MYLIP: variants seen among roughly 807,000 people sequenced by gnomAD.
The protein encoded by MYLIP is myosin regulatory light chain interacting protein, also known as E3 ubiquitin-protein ligase MYLIP.
In MYLIP, 26 loss-of-function variants were observed where a neutral mutation model predicts 45.8. The observed-to-expected ratio is 0.57, with a 90% CI of 0.42 to 0.79. MYLIP has a LOEUF of 0.79. Among genes scored for constraint, MYLIP ranks in the 30% least tolerant of loss-of-function variants. The pLI, the probability that MYLIP is intolerant of heterozygous loss-of-function variation, is 0.00. For synonymous variants in MYLIP, 213 were observed against 218.1 expected, an observed-to-expected ratio of 0.98 and a Z score of 0.21; for missense variants, 494 against 555.6, an observed-to-expected ratio of 0.89 and a Z score of 1.11.
At chr6:16,145,672 T>C (rs1210358866) in intron 6 of MYLIP, among the ~76,000 whole-genome samples, 1 of 152,158 alleles carries the variant, frequency 6.6e-6, no homozygotes, top group Non-Finnish European at 1.5e-5. Context: ...CCTCCCTTTT[T>C]CTGACACTTA....
chr6:16,159,327 A>G, the MYLIP span, among the ~76,000 whole-genome samples: 2 of 152,180 alleles, frequency 1.3e-5, no homozygotes, highest in African/African-American at 4.8e-5. Flanking sequence ...CAGTAAAGAC[A>G]AGCATTGGCG....
intron 2 of MYLIP, among the ~76,000 whole-genome samples, chr6:16,138,887 GC>G (rs1561787725): frequency 6.6e-6 from 1 of 152,110 alleles, no homozygotes; most frequent in Admixed American, 6.5e-5. Flanking sequence ...GTCAATCATC[GC>G]CCTTGCTAGA....
chr6:16,139,942 A>G (rs1456593939), intron 2 of MYLIP, among the ~76,000 whole-genome samples: 1 of 152,202 alleles, frequency 6.6e-6, no homozygotes, highest in Non-Finnish European at 1.5e-5. Context: ...ATTGAATTTA[A>G]ATACTTCTTA....
Position 16,146,681 on chromosome 6 carries a change from C to A in MYLIP, c.1268C>A (p.Ser423Ter). 6.2e-7 allele frequency: 1 copy of A among 1,611,054 alleles called. No individual in the cohort carries two copies. Among genetic ancestry groups the A allele is most frequent in the South Asian group, 1.1e-5 (1 of 90,292 alleles). ...TCCCAGTCATGTCCCGTCTGCAGGTCGCGTGTGGAGCATGTCCAGCACGTC... is the reference window on the plus strand; with the variant it reads ...TCCCAGTCATGTCCCGTCTGCAGGTAGCGTGTGGAGCATGTCCAGCACGTC... ...AQLQSCPVCR[S>*]RVEHVQHVYL... Residue 423 changes from serine (S) to a stop codon, truncating the protein, a stop_gained, in exon 7 of 7, where the codon TCG (serine) becomes TAG (stop). Transcript: ENST00000356840. LOFTEE classifies it high-confidence loss of function.
At chr6:16,142,650 T>A (rs1759696872) in intron 3 of MYLIP, among the ~76,000 whole-genome samples, 1 of 152,196 alleles carries the variant, frequency 6.6e-6, no homozygotes, top group African/African-American at 2.4e-5. Flanking sequence ...TTGGCCTACC[T>A]CCTTCCCTGG....
chr6:16,154,278 G>A, the MYLIP span, among the ~76,000 whole-genome samples: 2 of 152,108 alleles, frequency 1.3e-5, no homozygotes, highest in Non-Finnish European at 2.9e-5. Flanking sequence ...TTAAGAAGAA[G>A]CCATGCCTCC....
At chr6:16,148,629 A>G (rs1469746157), downstream of MYLIP, among the ~76,000 whole-genome samples, 2 of 152,128 alleles carry the variant, frequency 1.3e-5, no homozygotes, top group African/African-American at 4.8e-5. Flanking sequence ...GCTATTGGAG[A>G]AGGAAGGAAG....
At chr6:16,136,042 C>T (rs946424079) in intron 2 of MYLIP, among the ~76,000 whole-genome samples, 2 of 152,000 alleles carry the variant, frequency 1.3e-5, no homozygotes, top group South Asian at 2.1e-4. Context: ...CTTCAGCATG[C>T]ATAACATTAA....
In MYLIP at chr6:16,146,658, C is replaced by T. The variant is rs1483395841; in HGVS notation, c.1249-4C>T. ...AACAGAGACTGTTGGCTTTTCTTTC[C>T]CAGTCATGTCCCGTCTGCAGGTCGC... is the stretch of plus-strand genomic sequence containing the variant. On this transcript the variant is annotated splice_polypyrimidine_tract_variant and splice_region_variant and intron_variant, in intron 6 of 6. Coordinates refer to ENST00000356840, the MANE Select transcript of MYLIP (RefSeq NM_013262.4). 7 of 1,605,706 alleles carry T rather than the reference C, an allele frequency of 4.4e-6. No individual in the cohort carries two copies. The highest frequency in any genetic ancestry group is 6.0e-6 in the Non-Finnish European group (7 of 1,174,768).
In MYLIP at chr6:16,129,349, C is replaced by A. The variant is rs1321190803; in HGVS notation, c.27C>A (p.Asp9Glu). Reference protein sequence around the residue: MLCYVTRPDAVLMEVEVEA... With the variant: MLCYVTRPEAVLMEVEVEA... ...TGCTGTGTTATGTGACGAGGCCGGACGCGGTGCTGATGGAGGTGGAGGTGG... is the reference window on the plus strand; with the variant it reads ...TGCTGTGTTATGTGACGAGGCCGGAAGCGGTGCTGATGGAGGTGGAGGTGG... The change falls in exon 1 of 7, where the codon GAC becomes GAA. Residue 9 changes from aspartate to glutamate, a missense_variant. By Grantham distance (45) the Asp-to-Glu change is conservative. Coordinates refer to ENST00000356840, the MANE Select transcript of MYLIP (RefSeq NM_013262.4). This position sits in a 1 kb window ranked among gnomAD's most constrained non-coding sequence, Gnocchi z 5.1. 3.8e-6 allele frequency: 6 copies of A among 1,586,584 alleles called. No individual in the cohort carries two copies. Among genetic ancestry groups the A allele is most frequent in the Non-Finnish European group, 5.1e-6 (6 of 1,166,810 alleles).
chr6:16,150,124 G>A (rs1759859067), downstream of MYLIP, among the ~76,000 whole-genome samples: 1 of 152,214 alleles, frequency 6.6e-6, no homozygotes, highest in Non-Finnish European at 1.5e-5. Flanking sequence ...AGCTGAGCAT[G>A]CGTCCCTGAA....
chr6:16,146,816 G>A lies in MYLIP; in HGVS notation c.*65G>A, dbSNP rs1453719701. On this transcript the variant is annotated 3_prime_UTR_variant, in exon 7 of 7. Transcript: ENST00000356840. ...CTGCACTATTATAAACTATTAAAAT[G>A]ATAGATTGTGGAGAAAGTAATTATT... The A allele has an allele frequency of 1.5e-6, 2 of 1,291,628 alleles. No individual in the cohort carries two copies. The highest frequency in any genetic ancestry group is 3.0e-5 in the African/African-American group (2 of 66,908). The allele number at this position is 1,291,628 out of a possible 1,614,324, so 80.0% of individuals were successfully genotyped here.
chr6:16,157,459 C>T, the MYLIP span, among the ~76,000 whole-genome samples: 1 of 152,184 alleles, frequency 6.6e-6, no homozygotes, highest in Non-Finnish European at 1.5e-5. Context: ...TCTCCTCTTC[C>T]AGAAAGTATA....
At chr6:16,149,148 G>T (rs1214108991), downstream of MYLIP, among the ~76,000 whole-genome samples, 2 of 152,182 alleles carry the variant, frequency 1.3e-5, no homozygotes, top group African/African-American at 4.8e-5. Context: ...TCTCTGCGCG[G>T]AAGTTAGATA....
intron 2 of MYLIP, among the ~76,000 whole-genome samples, chr6:16,135,755 C>CTA (rs10593630): frequency 0.077 from 9,611 of 125,068 alleles, 484 homozygotes; most frequent in Middle Eastern, 0.13. Context: ...ATACATATAT[C>CTA]TATATATATA....
At chr6:16,161,420 C>A in the MYLIP span, 3 of 174,052 alleles carry the variant, frequency 1.7e-5, no homozygotes, top group Non-Finnish European at 3.7e-5. Flanking sequence ...CAAGTACTTA[C>A]ATACATCACC....
At chr6:16,161,893 A>G in the MYLIP span, among the ~76,000 whole-genome samples, 1 of 152,200 alleles carries the variant, frequency 6.6e-6, no homozygotes, top group Non-Finnish European at 1.5e-5. Context: ...ACTAGATGGA[A>G]TGGACTGTCT....
chr6:16,148,950 T>G (rs367627928), downstream of MYLIP, among the ~76,000 whole-genome samples: 129 of 151,866 alleles, frequency 8.5e-4, 2 homozygotes, highest in African/African-American at 2.8e-3. Context: ...GAGGCAGGGG[T>G]ATTTGTTTTT....
chr6:16,139,981 G>A (rs1478560937), intron 2 of MYLIP, among the ~76,000 whole-genome samples: 1 of 152,166 alleles, frequency 6.6e-6, no homozygotes, highest in African/African-American at 2.4e-5. Flanking sequence ...GCTCTTGTCA[G>A]CCAGACATTG....
Sources: gnomAD v4.1 joint callset for allele counts (sites outside exome capture counted in the v4.1 genomes callset) on GRCh38, gnomAD v4.1.1 for gene constraint, Gnocchi (gnomAD v3.1) non-coding constraint, MANE v1.5 for transcripts, NCBI Gene and HGNC (gene_info 2026-07-23, HGNC 2026-07-21) for gene names.